Variants in SAMD15 observed in about 807,000 individuals in gnomAD.
SAMD15 encodes sterile alpha motif domain-containing protein 15.
A neutral mutation model predicts 50.5 loss-of-function variants in SAMD15; 37 were observed. The ratio of observed to expected loss-of-function variants is 0.73; its 90% CI spans 0.56 to 0.96. SAMD15 has a LOEUF of 0.96. Among genes scored for constraint, SAMD15 ranks in the 40% least tolerant of loss-of-function variants. The pLI is 0.00. For missense variants in SAMD15, 789 were observed against 783.8 expected, an observed-to-expected ratio of 1.01 and a Z score of -0.08; for synonymous variants, 255 against 282.8, an observed-to-expected ratio of 0.90 and a Z score of 0.99.
At chr14:77,381,251 A>T (rs1361913590) in intron 2 of SAMD15, among the ~76,000 whole-genome samples, 1 of 152,216 alleles carries the variant, frequency 6.6e-6, no homozygotes, top group Admixed American at 6.5e-5. Context: ...AACAAGCTAC[A>T]TTAACCACTC....
At chr14:77,390,154 CCTGG>C (rs1406414762) in intron 2 of SAMD15, among the ~76,000 whole-genome samples, 1 of 152,000 alleles carries the variant, frequency 6.6e-6, no homozygotes, top group East Asian at 1.9e-4. Flanking sequence ...TGCCACCACT[CCTGG>C]CTAATTTTTG....
Position 77,378,197 on chromosome 14 carries a change from C to G in SAMD15, c.779C>G (p.Ala260Gly). The G allele has an allele frequency of 6.2e-7, 1 of 1,613,994 alleles. No homozygotes were observed. The change falls in exon 1 of 3, where the codon GCT becomes GGT. Residue 260 changes from alanine to glycine, a missense_variant. Ala to Gly is a moderately conservative substitution (Grantham distance 60). Transcript: ENST00000216471. ...EKKRTEPPEQ[A>G]RLEFLEKEPR... ...AAAAGGACAGAGCCACCCGAGCAGG[C>G]TAGACTGGAATTTCTGGAGAAGGAA... is the stretch of plus-strand genomic sequence containing the variant.
Position 77,377,667 on chromosome 14 carries a change from C to G in SAMD15, c.249C>G (p.Ser83=). ...KNVQLKPGGT[S]QEGIAKESKR... is the part of the protein sequence containing the mutation. ...TGCAGCTGAAACCTGGCGGGACGTC[C>G]CAGGAAGGAATTGCCAAGGAGTCCA... The change falls in exon 1 of 3, where the codon TCC becomes TCG. Residue 83 remains serine, a synonymous_variant. Transcript: ENST00000216471. 1 of 1,614,060 alleles carries G rather than the reference C, an allele frequency of 6.2e-7. No individual in the cohort carries two copies. The highest frequency in any genetic ancestry group is 8.5e-7 in the Non-Finnish European group (1 of 1,180,002).
chr14:77,387,208 G>C (rs576893028), intron 2 of SAMD15, among the ~76,000 whole-genome samples: 1 of 152,230 alleles, frequency 6.6e-6, no homozygotes, highest in South Asian at 2.1e-4. Flanking sequence ...TGAGGTAGGA[G>C]GATCGCTTGA....
intron 2 of SAMD15, among the ~76,000 whole-genome samples, chr14:77,388,971 C>T (rs2139653461): frequency 6.6e-6 from 1 of 152,162 alleles, no homozygotes; most frequent in South Asian, 2.1e-4. Flanking sequence ...CTGGACAACT[C>T]AGGAGGCTGA....
intron 2 of SAMD15, among the ~76,000 whole-genome samples, chr14:77,388,382 C>CGTGTTT (rs1555361791): frequency 7.5e-6 from 1 of 133,068 alleles, no homozygotes; most frequent in African/African-American, 2.9e-5. Context: ...GCCACCTGTT[C>CGTGTTT]GTGTGTGTGT....
At chr14:77,390,750 C>T (rs571909927) in intron 2 of SAMD15, among the ~76,000 whole-genome samples, 8 of 152,054 alleles carry the variant, frequency 5.3e-5, no homozygotes, top group South Asian at 4.2e-4. Flanking sequence ...ATTAGCCAGG[C>T]GTGGTGGTGT....
chr14:77,382,046 C>T (rs867553623), intron 2 of SAMD15, among the ~76,000 whole-genome samples: 1 of 152,004 alleles, frequency 6.6e-6, no homozygotes, highest in African/African-American at 2.4e-5. Flanking sequence ...AAGCGATTCT[C>T]CTGCCTCAGC....
At position 77,377,595 on chromosome 14, in the gene SAMD15, C is replaced by T. The variant is rs764302003; in HGVS notation, c.177C>T (p.Thr59=). The stretch of plus-strand genomic sequence containing the variant: ...TTTACCAAGAGCCACAGCCAGAGAC[C>T]GAGGAAGAGGACTTCAAAGAGGGGG... ...AEIYQEPQPE[T]EEEDFKEGEP... Residue 59 remains threonine, a synonymous_variant, in exon 1 of 3, where the codon ACC becomes ACT. Transcript: ENST00000216471. 5 of 1,614,044 alleles carry T rather than the reference C, an allele frequency of 3.1e-6. No individual in the cohort carries two copies. The Admixed American group carries it at 5.0e-5, about 16-fold the overall frequency.
intron 2 of SAMD15, among the ~76,000 whole-genome samples, chr14:77,385,141 C>T (rs1893989921): frequency 6.6e-6 from 1 of 151,156 alleles, no homozygotes; most frequent in Non-Finnish European, 1.5e-5. Context: ...TGAGATCATA[C>T]CACTGCACTC....
In SAMD15 at chr14:77,377,830, C is replaced by T; in HGVS notation, c.412C>T (p.Pro138Ser). 4 of 1,614,114 alleles carry T rather than the reference C, an allele frequency of 2.5e-6. No homozygotes were observed. Among genetic ancestry groups the T allele is most frequent in the Non-Finnish European group, 3.4e-6 (4 of 1,180,016 alleles). ...ETHKESDLEP[P>S]EEAKPNVTED... ...GCATAAAGAGTCAGACCTAGAGCCA[C>T]CAGAGGAGGCTAAACCAAATGTTAC... The change falls in exon 1 of 3, where the codon CCA (proline) becomes TCA (serine). Residue 138 changes from proline (P) to serine (S), a missense_variant. Physicochemically the swap from Pro to Ser is moderately conservative, Grantham distance 74. Coordinates refer to ENST00000216471, the MANE Select transcript of SAMD15 (RefSeq NM_001010860.4).
In SAMD15 at chr14:77,378,629, TAG is replaced by T; in HGVS notation, c.1214_1215del (p.Glu405ValfsTer4). ...CAAACAAAGCCAACTGAGAAAATTC[TAG>T]AGTTACCAGATGAAACCAAACCAAG... On this transcript the variant is annotated frameshift_variant, in exon 1 of 3. Coordinates refer to ENST00000216471, the MANE Select transcript of SAMD15 (RefSeq NM_001010860.4). LOFTEE classifies it high-confidence loss of function. The T allele has an allele frequency of 6.2e-7, 1 of 1,614,010 alleles. No homozygotes were observed. Among genetic ancestry groups the T allele is most frequent in the Non-Finnish European group, 8.5e-7 (1 of 1,180,018 alleles).
Position 77,377,808 on chromosome 14 carries a change from TAAAG to T in SAMD15, c.392_395del (p.Lys131SerfsTer4), listed in dbSNP as rs139217404. The T allele has an allele frequency of 8.0e-4, 1,295 of 1,614,066 alleles. 6 individuals are homozygous for T. In the African/African-American group the frequency reaches 0.014, roughly 18 times the overall value. On this transcript the variant is annotated frameshift_variant, in exon 1 of 3. Coordinates refer to ENST00000216471, the MANE Select transcript of SAMD15 (RefSeq NM_001010860.4). LOFTEE classifies it high-confidence loss of function. Reference sequence around the variant, plus strand: ...TGGAGGCCCCTATGGATGAAACGCATAAAGAGTCAGACCTAGAGCCACCAGAGGA... The same window carrying T: ...TGGAGGCCCCTATGGATGAAACGCATAGTCAGACCTAGAGCCACCAGAGGA...
rs765698250 is a variant in SAMD15 at position 77,377,585 on chromosome 14, A to T, written c.167A>T (p.Gln56Leu). Residue 56 changes from glutamine (Q) to leucine (L), a missense_variant, in exon 1 of 3, where the codon CAG becomes CTG. By Grantham distance (113) the Gln-to-Leu change is moderately radical. This residue lies in a region of SAMD15 where 770 missense variants were observed against 745.4 expected (regional missense o/e 1.03). Transcript: ENST00000216471. Reference protein sequence around the residue: ...KLPAEIYQEPQPETEEEDFKE... With the variant: ...KLPAEIYQEPLPETEEEDFKE... ...CCAGCAGAGATTTACCAAGAGCCAC[A>T]GCCAGAGACCGAGGAAGAGGACTTC... is the stretch of plus-strand genomic sequence containing the variant. 130 of 1,614,062 alleles carry T rather than the reference A, an allele frequency of 8.1e-5. No individual in the cohort carries two copies. Among genetic ancestry groups the T allele is most frequent in the Admixed American group, 2.0e-4 (12 of 60,006 alleles).
chr14:77,381,412 A>T (rs1349820149), intron 2 of SAMD15, among the ~76,000 whole-genome samples: 1 of 151,876 alleles, frequency 6.6e-6, no homozygotes, highest in Non-Finnish European at 1.5e-5. Context: ...CACCCCAATA[A>T]CCCTCCAAGA....
chr14:77,381,193 C>T (rs1167625738), intron 2 of SAMD15, among the ~76,000 whole-genome samples: 1 of 152,206 alleles, frequency 6.6e-6, no homozygotes, highest in Non-Finnish European at 1.5e-5. Context: ...CCATTTGGCA[C>T]TTATATAACA....
Position 77,378,295 on chromosome 14 carries a change from C to A in SAMD15, c.877C>A (p.Gln293Lys). The A allele has an allele frequency of 6.2e-7, 1 of 1,612,030 alleles. No homozygotes were observed. Among genetic ancestry groups the A allele is most frequent in the East Asian group, 2.2e-5 (1 of 44,872 alleles). ...ETQPEVPEEM[Q>K]RKATEEKGTE... ...TCAACCAGAGGTTCCAGAGGAGATG[C>A]AAAGAAAGGCAACTGAGGAGAAAGG... Residue 293 changes from glutamine to lysine, a missense_variant, in exon 1 of 3, where the codon CAA becomes AAA. By Grantham distance (53) the Gln-to-Lys change is moderately conservative. Around this residue, in one of 2 missense-constraint regions of SAMD15, gnomAD observed 770 missense variants for 745.4 expected, o/e 1.03. Coordinates refer to ENST00000216471, the MANE Select transcript of SAMD15 (RefSeq NM_001010860.4).
chr14:77,377,402 C>T lies in SAMD15; in HGVS notation c.-17C>T. On this transcript the variant is annotated 5_prime_UTR_variant, in exon 1 of 3. Transcript: ENST00000216471. ...TTGGGGTTGCTAGGAAGCCGCGGCGCGTCTGCTAAGCTGCAAATGGCTGAA... is the reference window on the plus strand; with the variant it reads ...TTGGGGTTGCTAGGAAGCCGCGGCGTGTCTGCTAAGCTGCAAATGGCTGAA... 6.3e-7 allele frequency: 1 copy of T among 1,578,936 alleles called. No homozygotes were observed.
chr14:77,378,244 G>T lies in SAMD15; in HGVS notation c.826G>T (p.Ala276Ser), dbSNP rs748964216. 1.2e-6 allele frequency: 2 copies of T among 1,613,832 alleles called. No homozygotes were observed. The highest frequency in any genetic ancestry group is 2.2e-5 in the South Asian group (2 of 91,066). Residue 276 changes from alanine (A) to serine (S), a missense_variant, in exon 1 of 3, where the codon GCA becomes TCA. Around this residue, in one of 2 missense-constraint regions of SAMD15, gnomAD observed 770 missense variants for 745.4 expected, o/e 1.03. Transcript: ENST00000216471. ...EKEPRKSSEEAGLEPPEETQP... is the reference protein window; with the variant it reads ...EKEPRKSSEESGLEPPEETQP... ...GGAACCAAGAAAGTCTAGTGAGGAG[G>T]CAGGTCTAGAGCCTCCAGAAGAGAC...
Sources: allele counts gnomAD v4.1 joint callset (sites outside exome capture counted in the v4.1 genomes callset), GRCh38; gene constraint gnomAD v4.1.1; regional missense constraint gnomAD v4.1.1; transcripts MANE v1.5; gene names NCBI Gene and HGNC (gene_info 2026-07-23, HGNC 2026-07-21).